Variants in MRTFB observed in about 807,000 individuals in gnomAD.
MRTFB encodes the protein myocardin related transcription factor B.
In MRTFB, 29 loss-of-function variants were observed where a neutral mutation model predicts 104.2. The ratio of observed to expected loss-of-function variants is 0.28; its 90% CI spans 0.21 to 0.38. The LOEUF (loss-of-function observed/expected upper bound fraction) is 0.38. Among genes scored for constraint, MRTFB ranks in the 10% least tolerant of loss-of-function variants. The pLI, the probability that MRTFB is intolerant of heterozygous loss-of-function variation, is 1.00. For missense variants in MRTFB, 1,270 were observed against 1,341.6 expected (o/e 0.95, Z 0.83); for synonymous variants, 535 against 519.5 (o/e 1.03, Z -0.41).
intron 3 of MRTFB, among the ~76,000 whole-genome samples, chr16:14,148,505 G>A (rs1368583598): frequency 6.6e-6 from 1 of 152,180 alleles, no homozygotes; most frequent in Non-Finnish European, 1.5e-5. Flanking sequence ...ACAGAAAACA[G>A]TAAGACTGAT....
the MRTFB span, among the ~76,000 whole-genome samples, chr16:14,018,361 A>G: frequency 3.9e-5 from 6 of 152,332 alleles, no homozygotes; most frequent in South Asian, 1.0e-3. Context: ...TAGGCAAGGC[A>G]CTTAGAACAG....
intron 8 of MRTFB, among the ~76,000 whole-genome samples, chr16:14,229,250 TAGTC>T (rs567202090): frequency 2.4e-4 from 37 of 152,304 alleles, no homozygotes; most frequent in African/African-American, 7.5e-4. Flanking sequence ...TAGGAACAAA[TAGTC>T]AGTGCTAGGT....
chr16:14,231,120 CTG>C (rs1344866231), intron 8 of MRTFB, among the ~76,000 whole-genome samples: 1 of 141,030 alleles, frequency 7.1e-6, no homozygotes, highest in African/African-American at 2.7e-5. Flanking sequence ...ACATCACACT[CTG>C]GGGACTGTTG....
chr16:14,070,219 G>C (rs1244351090), upstream of MRTFB, among the ~76,000 whole-genome samples: 1 of 152,176 alleles, frequency 6.6e-6, no homozygotes, highest in Non-Finnish European at 1.5e-5. Flanking sequence ...CTACCTACAA[G>C]GTAGTGCTGG....
Position 14,229,628 on chromosome 16 carries a change from G to C in MRTFB, c.694-4518G>C, listed in dbSNP as rs572532372. Among the ~76,000 whole-genome samples the C allele has an allele frequency of 1.6e-4, 24 of 152,352 alleles. No individual in the cohort carries two copies. In the South Asian group the frequency reaches 3.7e-3, roughly 24 times the overall value. On this transcript the variant is annotated intron_variant, in intron 8 of 16. Transcript: ENST00000571589. ...CAGTGCAGACATCTGAAACAGGATAGAGCTTTAATCAGCTGAGAGGTTTGC... is the reference window on the plus strand; with the variant it reads ...CAGTGCAGACATCTGAAACAGGATACAGCTTTAATCAGCTGAGAGGTTTGC...
chr16:14,045,057 G>A, the MRTFB span, among the ~76,000 whole-genome samples: 4 of 152,004 alleles, frequency 2.6e-5, no homozygotes, highest in African/African-American at 4.8e-5. Context: ...CTCATTTCTC[G>A]TCACCATGTA....
intron 9 of MRTFB, among the ~76,000 whole-genome samples, chr16:14,238,888 G>A (rs917479845): frequency 1.3e-5 from 2 of 152,162 alleles, no homozygotes; most frequent in Admixed American, 6.5e-5. Context: ...ATTATATTAT[G>A]TCCAGTAGTA....
intron 10 of MRTFB, among the ~76,000 whole-genome samples, chr16:14,245,115 T>A (rs1441349011): frequency 6.6e-6 from 1 of 152,204 alleles, no homozygotes; most frequent in African/African-American, 2.4e-5. Flanking sequence ...CTCTTTTTGG[T>A]AACTCAAGGG....
intron 2 of MRTFB, among the ~76,000 whole-genome samples, chr16:14,129,130 A>C (rs1391491388): frequency 1.3e-5 from 2 of 152,222 alleles, no homozygotes; most frequent in African/African-American, 4.8e-5. Flanking sequence ...CATTGGATGC[A>C]TGTGCCATAG....
At chr16:14,041,857 C>T in the MRTFB span, among the ~76,000 whole-genome samples, 1 of 151,858 alleles carries the variant, frequency 6.6e-6, no homozygotes, top group East Asian at 1.9e-4. Flanking sequence ...ATCCAGGAGG[C>T]GGAGGTTGCA....
At position 14,252,404 on chromosome 16, in the gene MRTFB, C is replaced by T. The variant is rs1453930925; in HGVS notation, c.2605C>T (p.His869Tyr). The part of the protein sequence containing the change: ...PPPPQQFVVQ[H>Y]SLFGSPVAKT... ...GCCACCCCAGCAATTTGTCGTCCAG[C>T]ACTCTCTATTTGGGAGTCCAGTCGC... Residue 869 changes from histidine (H) to tyrosine (Y), a missense_variant, in exon 15 of 17, where the codon CAC (histidine) becomes TAC (tyrosine). This residue lies in a region of MRTFB where 1,144 missense variants were observed against 1,131.5 expected (regional missense o/e 1.01). Transcript: ENST00000571589. 2 of 1,613,868 alleles carry T rather than the reference C, an allele frequency of 1.2e-6. No individual in the cohort carries two copies. The highest frequency in any genetic ancestry group is 1.3e-5 in the African/African-American group (1 of 74,926).
At chr16:14,001,849 T>C in the MRTFB span, among the ~76,000 whole-genome samples, 4 of 152,308 alleles carry the variant, frequency 2.6e-5, no homozygotes, top group African/African-American at 7.2e-5. Flanking sequence ...CTTCGCTGAA[T>C]AGGAGCTGGA....
intron 2 of MRTFB, among the ~76,000 whole-genome samples, chr16:14,117,870 C>A (rs183984662): frequency 2.0e-5 from 3 of 152,240 alleles, no homozygotes; most frequent in Non-Finnish European, 1.5e-5. Context: ...ATATAGACAA[C>A]CATTTTGGTA....
chr16:14,254,203 C>T (rs888586579), intron 15 of MRTFB, among the ~76,000 whole-genome samples: 3 of 152,216 alleles, frequency 2.0e-5, no homozygotes, highest in Non-Finnish European at 2.9e-5. Context: ...CACCAAACTT[C>T]GTTTAAATAC....
At chr16:14,200,382 A>C in intron 3 of MRTFB, 1 of 1,607,798 alleles carries the variant, frequency 6.2e-7, no homozygotes, top group Non-Finnish European at 8.5e-7. Flanking sequence ...AGTAATGATG[A>C]CACTAAAGAT....
At chr16:14,253,225 A>T (rs1440853724) in intron 15 of MRTFB, among the ~76,000 whole-genome samples, 1 of 152,144 alleles carries the variant, frequency 6.6e-6, no homozygotes, top group Non-Finnish European at 1.5e-5. Flanking sequence ...ACACTCCTCC[A>T]ATCTTTCTCT....
rs200962145 is a variant in MRTFB, at chr16:14,246,593, G to A, written c.1333G>A (p.Gly445Ser). 1 of 1,614,038 alleles carries A rather than the reference G, an allele frequency of 6.2e-7. No individual in the cohort carries two copies. Among genetic ancestry groups the A allele is most frequent in the Non-Finnish European group, 8.5e-7 (1 of 1,180,012 alleles). ...EVNSSGLAAG[G>S]IVAVSSSAIV... ...GAACAGCAGCGGCCTTGCTGCTGGG[G>A]GCATCGTGGCAGTGTCATCATCAGC... The change falls in exon 12 of 17, where the codon GGC becomes AGC. Residue 445 changes from glycine to serine, a missense_variant. Physicochemically the swap from Gly to Ser is moderately conservative, Grantham distance 56. This residue lies in a region of MRTFB where 1,144 missense variants were observed against 1,131.5 expected (regional missense o/e 1.01). Transcript: ENST00000571589.
intron 2 of MRTFB, among the ~76,000 whole-genome samples, chr16:14,138,629 A>G (rs903279025): frequency 6.6e-6 from 1 of 152,182 alleles, no homozygotes; most frequent in Non-Finnish European, 1.5e-5. Flanking sequence ...TTTTTGCCTT[A>G]GCTGGGCTGC....
the MRTFB span, among the ~76,000 whole-genome samples, chr16:14,001,310 G>T: frequency 6.6e-6 from 1 of 152,182 alleles, no homozygotes; most frequent in Non-Finnish European, 1.5e-5. Flanking sequence ...ATCAGGATTG[G>T]GTTTCTCGGC....
Sources: allele counts gnomAD v4.1 joint callset (sites outside exome capture counted in the v4.1 genomes callset), GRCh38; gene constraint gnomAD v4.1.1; regional missense constraint gnomAD v4.1.1; transcripts MANE v1.5; gene names NCBI Gene and HGNC (gene_info 2026-07-23, HGNC 2026-07-21).